The following CD36 variants were observed in gnomAD, a reference collection of about 807,000 sequenced individuals.
CD36 encodes the protein platelet glycoprotein 4.
In CD36, 119 loss-of-function variants were observed where a neutral mutation model predicts 55.2. That is an observed-to-expected ratio of 2.15 (90% confidence interval 1.86 to 2.51). CD36 has a LOEUF of 2.51. Ranked by LOEUF, CD36 falls within the 30% of genes most tolerant of loss-of-function variation. CD36 has a pLI of 0.00. For missense variants in CD36, 819 were observed against 555.5 expected, an observed-to-expected ratio of 1.47 and a Z score of -4.77; for synonymous variants, 186 against 193.6, an observed-to-expected ratio of 0.96 and a Z score of 0.33.
At chr7:80,662,872 A>T in intron 5 of CD36, 118 bp from the exon 6 acceptor site, 1 of 816,388 alleles carries the variant, frequency 1.2e-6, no homozygotes, top group Non-Finnish European at 2.0e-6. Context: ...ATCTGGCAGT[A>T]ATTTTAAAGA....
Position 80,672,354 on chromosome 7 carries a change from TAATCATCTTTA to T in CD36, c.1125+315_1125+325del, listed in dbSNP as rs559866457. 9.9e-5 allele frequency among the ~76,000 whole-genome samples: 15 copies of T among 152,014 alleles called. No homozygotes were observed. The East Asian group carries it at 2.9e-3, about 29-fold the overall frequency. Reference sequence around the variant, plus strand: ...TAAAATTGTTGTAGCGCAACAGTTTTAATCATCTTTATTTTTGTATTTTCCTTTTCAAAAAG... The same window carrying T: ...TAAAATTGTTGTAGCGCAACAGTTTTTTTTTGTATTTTCCTTTTCAAAAAG... On this transcript the variant is annotated intron_variant, in intron 11 of 14. Transcript: ENST00000447544.
intron 14 of CD36, among the ~76,000 whole-genome samples, chr7:80,675,892 A>G (rs1798143759): frequency 6.6e-6 from 1 of 152,040 alleles, no homozygotes; most frequent in Non-Finnish European, 1.5e-5. Flanking sequence ...CTTGGTCTGA[A>G]GGGTGTGGAA....
At chr7:80,649,139 T>C (rs540970702) in intron 3 of CD36, among the ~76,000 whole-genome samples, 2 of 152,286 alleles carry the variant, frequency 1.3e-5, no homozygotes, top group East Asian at 3.9e-4. Context: ...TCCTATATAC[T>C]AGTTCACTTA....
chr7:80,642,645 G>A lies in CD36; in HGVS notation c.-183-3443G>A, dbSNP rs1378718587. 3.9e-5 allele frequency among the ~76,000 whole-genome samples: 6 copies of A among 152,072 alleles called. 1 individual carries two copies. Among genetic ancestry groups the A allele is most frequent in the Non-Finnish European group, 8.8e-5 (6 of 67,996 alleles). ...TCATTACTCATGGTGTCAAGGCACC[G>A]AGTGATAATAAATGAACCCAACTAG... On this transcript the variant is annotated intron_variant, in intron 1 of 14. Coordinates refer to ENST00000447544, the MANE Select transcript of CD36 (RefSeq NM_001001548.3).
At chr7:80,659,698 C>A (rs537917365) in intron 4 of CD36, among the ~76,000 whole-genome samples, 12 of 151,954 alleles carry the variant, frequency 7.9e-5, no homozygotes, top group African/African-American at 2.7e-4. Flanking sequence ...CTTTAGGTAA[C>A]GTGACAATTA....
chr7:80,615,407 A>T (rs1243064758), intron 1 of CD36, among the ~76,000 whole-genome samples: 1 of 152,166 alleles, frequency 6.6e-6, no homozygotes, highest in Non-Finnish European at 1.5e-5. Context: ...AACTTCCCTG[A>T]AAACCATTTT....
At position 80,671,096 on chromosome 7, in the gene CD36, G is replaced by A. The variant is rs776073456; in HGVS notation, c.938G>A (p.Cys313Tyr). Residue 313 changes from cysteine to tyrosine, a missense_variant, in exon 10 of 15, where the codon TGC becomes TAC. Physicochemically the swap from Cys to Tyr is radical, Grantham distance 194. Transcript: ENST00000447544. ...GAAAACCCAGACAACTATTGTTTCT[G>A]CACAGAAAAAATTATCTCAAAAAAT... ...PVENPDNYCF[C>Y]TEKIISKNCT... is the part of the protein sequence containing the mutation. 2.5e-6 allele frequency: 4 copies of A among 1,613,218 alleles called. No homozygotes were observed. Among genetic ancestry groups the A allele is most frequent in the Non-Finnish European group, 2.5e-6 (3 of 1,179,460 alleles).
At chr7:80,640,090 A>C (rs1268437609) in intron 1 of CD36, among the ~76,000 whole-genome samples, 1 of 152,004 alleles carries the variant, frequency 6.6e-6, no homozygotes, top group African/African-American at 2.4e-5. Context: ...AGTTTAAGAT[A>C]ATTCTGTAAC....
intron 6 of CD36, 103 bp downstream of exon 6, chr7:80,663,272 C>G: frequency 1.0e-6 from 1 of 984,308 alleles, no homozygotes; most frequent in South Asian, 1.3e-5. Flanking sequence ...AGTCTTATTG[C>G]TGATCTGGAG....
chr7:80,641,241 A>G (rs1794789866), intron 1 of CD36, among the ~76,000 whole-genome samples: 1 of 152,140 alleles, frequency 6.6e-6, no homozygotes, highest in East Asian at 1.9e-4. Context: ...TATGTTGATG[A>G]AACATAATCA....
chr7:80,639,432 T>A (rs1372431365), intron 1 of CD36, among the ~76,000 whole-genome samples: 3 of 151,994 alleles, frequency 2.0e-5, no homozygotes, highest in Non-Finnish European at 4.4e-5. Flanking sequence ...TTTTTTTCGA[T>A]TCAGGAAGCT....
chr7:80,669,955 G>A lies in CD36; in HGVS notation c.751G>A (p.Ala251Thr). 2 of 1,610,490 alleles carry A rather than the reference G, an allele frequency of 1.2e-6. No individual in the cohort carries two copies. Among genetic ancestry groups the A allele is most frequent in the African/African-American group, 1.3e-5 (1 of 74,918 alleles). ...TTTGCCACTCGATTTTTAAACAGAT[G>A]CAGCCTCATTTCCACCTTTTGTTGA... Reference protein sequence around the residue: ...SHCDMINGTDAASFPPFVEKS... With the variant: ...SHCDMINGTDTASFPPFVEKS... The change falls in exon 9 of 15, where the codon GCA (alanine) becomes ACA (threonine). Residue 251 changes from alanine to threonine, a missense_variant and splice_region_variant. Ala to Thr is a moderately conservative substitution (Grantham distance 58, BLOSUM62 0). Coordinates refer to ENST00000447544, the MANE Select transcript of CD36 (RefSeq NM_001001548.3).
chr7:80,645,501 G>A (rs1289058054), intron 1 of CD36, among the ~76,000 whole-genome samples: 3 of 151,680 alleles, frequency 2.0e-5, no homozygotes, highest in Non-Finnish European at 2.9e-5. Flanking sequence ...GCATGGTGGC[G>A]TGCACCTGTA....
chr7:80,672,846 G>A lies in CD36; in HGVS notation c.1199+3G>A, dbSNP rs747989572. Reference sequence around the variant, plus strand: ...GTCAAGCCATCAGAAAAAATTCAGTGAGTCTCTTGAAAATGGTTATTTTGA... The same window carrying A: ...GTCAAGCCATCAGAAAAAATTCAGTAAGTCTCTTGAAAATGGTTATTTTGA... On this transcript the variant is annotated splice_donor_region_variant and intron_variant, in intron 12 of 14. Transcript: ENST00000447544. The A allele has an allele frequency of 6.2e-7, 1 of 1,601,390 alleles. No homozygotes were observed. The highest frequency in any genetic ancestry group is 2.2e-5 in the East Asian group (1 of 44,494).
chr7:80,629,509 A>G (rs554589566), intron 1 of CD36, among the ~76,000 whole-genome samples: 2 of 152,170 alleles, frequency 1.3e-5, no homozygotes, highest in Admixed American at 1.3e-4. Flanking sequence ...CATATGGAGA[A>G]ACTTTCGAAT....
intron 1 of CD36, among the ~76,000 whole-genome samples, chr7:80,616,355 A>G (rs893915593): frequency 6.6e-6 from 1 of 151,866 alleles, no homozygotes; most frequent in Non-Finnish European, 1.5e-5. Flanking sequence ...TACTGAATGT[A>G]TATTGCTTTT....
At chr7:80,635,567 G>A (rs1029806965), upstream of CD36, among the ~76,000 whole-genome samples, 15 of 152,020 alleles carry the variant, frequency 9.9e-5, no homozygotes, top group Non-Finnish European at 1.8e-4. Flanking sequence ...GAGCCACCAA[G>A]CCCAGCCACA....
At position 80,671,135 on chromosome 7, in the gene CD36, G is replaced by A. The variant is rs767628133; in HGVS notation, c.977G>A (p.Gly326Asp). Residue 326 changes from glycine to aspartate, a missense_variant, in exon 10 of 15, where the codon GGT (glycine) becomes GAT (aspartate). Coordinates refer to ENST00000447544, the MANE Select transcript of CD36 (RefSeq NM_001001548.3). The stretch of plus-strand genomic sequence containing the variant: ...ATCTCAAAAAATTGTACATCATATG[G>A]TGTGCTAGACATCAGCAAATGCAAA... ...KIISKNCTSY[G>D]VLDISKCKEG... 3 of 1,612,314 alleles carry A rather than the reference G, an allele frequency of 1.9e-6. No homozygotes were observed. The highest frequency in any genetic ancestry group is 1.1e-5 in the South Asian group (1 of 91,052).
Position 80,673,977 on chromosome 7 carries a change from TTACAGACTGGGACCATTGG to T in CD36, c.1255-4_1269del. 1 of 1,609,486 alleles carries T rather than the reference TTACAGACTGGGACCATTGG, an allele frequency of 6.2e-7. No homozygotes were observed. The highest frequency in any genetic ancestry group is 1.1e-5 in the South Asian group (1 of 90,930). On this transcript the variant is annotated splice_acceptor_variant and splice_polypyrimidine_tract_variant and coding_sequence_variant and intron_variant, in exon 14 of 15. Coordinates refer to ENST00000447544, the MANE Select transcript of CD36 (RefSeq NM_001001548.3). LOFTEE classifies it high-confidence loss of function. ...CAAATAATGTTGATTATTAACTTGA[TTACAGACTGGGACCATTGG>T]TGATGAGAAGGCAAACATGTTCAGA...
Sources: allele counts gnomAD v4.1 joint callset (sites outside exome capture counted in the v4.1 genomes callset), GRCh38; gene constraint gnomAD v4.1.1; transcripts MANE v1.5; gene names NCBI Gene and HGNC (gene_info 2026-07-23, HGNC 2026-07-21).